The following INTS6 variants were observed in gnomAD, a reference collection of about 807,000 sequenced individuals.
The protein encoded by INTS6 is integrator complex subunit 6.
Under a neutral mutation model 104.9 loss-of-function variants are expected in INTS6, and 16 were observed. The observed-to-expected ratio is 0.15, with a 90% CI of 0.10 to 0.23. The LOEUF is 0.23. Among genes scored for constraint, INTS6 ranks in the 10% least tolerant of loss-of-function variants. The pLI, the probability that INTS6 is intolerant of heterozygous loss-of-function variation, is 1.00. For missense variants in INTS6, 584 were observed against 1,062.8 expected (o/e 0.55, Z 6.26); for synonymous variants, 324 against 358.7 (o/e 0.90, Z 1.09).
chr13:51,378,648 A>G (rs1166998542), intron 11 of INTS6, among the ~76,000 whole-genome samples, 194 bp from the exon 12 acceptor site: 1 of 152,066 alleles, frequency 6.6e-6, no homozygotes, highest in Non-Finnish European at 1.5e-5. Flanking sequence ...ATGATTTTAA[A>G]TCATTACAAC....
intron 15 of INTS6, among the ~76,000 whole-genome samples, chr13:51,370,408 A>G (rs1955780758): frequency 1.3e-5 from 2 of 152,130 alleles, no homozygotes; most frequent in African/African-American, 4.8e-5. Context: ...GCCAATCTCC[A>G]GGGTACAAGC....
chr13:51,413,577 T>C (rs1350058973), intron 4 of INTS6, among the ~76,000 whole-genome samples: 2 of 152,198 alleles, frequency 1.3e-5, no homozygotes, highest in Non-Finnish European at 2.9e-5. Flanking sequence ...GAATCAAACT[T>C]TGGTTTTTAT....
At position 51,365,845 on chromosome 13, in the gene INTS6, C is replaced by T. The variant is rs761843484; in HGVS notation, c.2571G>A (p.Arg857=). 2.5e-6 allele frequency: 4 copies of T among 1,575,168 alleles called. No individual in the cohort carries two copies. Among genetic ancestry groups the T allele is most frequent in the Non-Finnish European group, 3.5e-6 (4 of 1,154,404 alleles). ...GTTCTATTAGCATTCGTTTTTTAAA[C>T]CTGTATGAAAAAATAAATAGTACTC... ...FLQNVIKEAS[R]FKKRMLIEQL... Residue 857 remains arginine (R), a splice_region_variant and synonymous_variant, in exon 18 of 18, where the codon AGG becomes AGA. Coordinates refer to ENST00000311234, the MANE Select transcript of INTS6 (RefSeq NM_012141.3).
In INTS6 at chr13:51,452,604, C is replaced by T; in HGVS notation, c.-79G>A. 1.3e-6 allele frequency: 2 copies of T among 1,556,406 alleles called. No individual in the cohort carries two copies. Among genetic ancestry groups the T allele is most frequent in the South Asian group, 2.3e-5 (2 of 88,660 alleles). On this transcript the variant is annotated 5_prime_UTR_variant, in exon 1 of 18. Transcript: ENST00000311234. This position sits in a 1 kb window ranked among gnomAD's most constrained non-coding sequence, Gnocchi z 4.2. ...GAGGTGGAGGCGCCGGTGGCGGCGACCGCCGCTACGCGGGGCGGGGGAGCA... is the reference window on the plus strand; with the variant it reads ...GAGGTGGAGGCGCCGGTGGCGGCGATCGCCGCTACGCGGGGCGGGGGAGCA...
chr13:51,415,135 A>T (rs529994752), intron 4 of INTS6, among the ~76,000 whole-genome samples: 3 of 150,802 alleles, frequency 2.0e-5, no homozygotes, highest in East Asian at 3.9e-4. Flanking sequence ...TTTTTTTTTT[A>T]AAGGAAAGGA....
chr13:51,416,260 G>C (rs995138983), intron 4 of INTS6, among the ~76,000 whole-genome samples: 4 of 152,294 alleles, frequency 2.6e-5, no homozygotes, highest in Admixed American at 2.0e-4. Context: ...AAAGATACAA[G>C]TTCTTCTATT....
At position 51,375,386 on chromosome 13, in the gene INTS6, G is replaced by A. The variant is rs543999907; in HGVS notation, c.1730-590C>T. ...AAAAAAAAGTATGTGTGATCTTACC[G>A]TGAAAGATGTATCTCTTCTCTTCTG... On this transcript the variant is annotated intron_variant, in intron 13 of 17. Coordinates refer to ENST00000311234, the MANE Select transcript of INTS6 (RefSeq NM_012141.3). Among the ~76,000 whole-genome samples the A allele has an allele frequency of 4.0e-5, 6 of 149,050 alleles. No homozygotes were observed. The South Asian group carries it at 6.3e-4, about 16-fold the overall frequency.
chr13:51,377,029 A>T (rs920734506), intron 12 of INTS6, among the ~76,000 whole-genome samples: 4 of 152,182 alleles, frequency 2.6e-5, no homozygotes. Context: ...GGGTTGCTCC[A>T]CATTCTCATC....
intron 4 of INTS6, 48 bp from the exon 5 acceptor site, chr13:51,395,531 T>C: frequency 6.6e-7 from 1 of 1,524,532 alleles, no homozygotes; most frequent in South Asian, 1.3e-5. Flanking sequence ...CAGACTATTT[T>C]TTCAAAAAGC....
At chr13:51,399,714 G>C (rs1314383616) in intron 4 of INTS6, among the ~76,000 whole-genome samples, 1 of 118,126 alleles carries the variant, frequency 8.5e-6, no homozygotes, top group Non-Finnish European at 2.1e-5. Flanking sequence ...GTGGGTGTGT[G>C]TGTGTGTGCG....
the INTS6 span, chr13:51,344,609 C>T: frequency 2.7e-6 from 2 of 734,970 alleles, no homozygotes; most frequent in African/African-American, 1.8e-5. Context: ...AGTCTGTCCT[C>T]TTAGGAGATC....
chr13:51,410,354 T>G (rs556128494), intron 4 of INTS6, among the ~76,000 whole-genome samples: 2 of 152,290 alleles, frequency 1.3e-5, no homozygotes, highest in South Asian at 4.1e-4. Context: ...GTTGACACCA[T>G]GTTGTATTGC....
chr13:51,389,520 G>C, intron 5 of INTS6, 76 bp from the exon 6 acceptor site: 1 of 1,346,822 alleles, frequency 7.4e-7, no homozygotes, highest in Non-Finnish European at 9.8e-7. Context: ...CCTATCATTA[G>C]CAAGAAAAAA....
chr13:51,392,520 T>C (rs186048002), intron 5 of INTS6, among the ~76,000 whole-genome samples: 8 of 152,352 alleles, frequency 5.3e-5, no homozygotes, highest in African/African-American at 1.7e-4. Context: ...CATGCTAGCC[T>C]TCCTGTTGCT....
intron 3 of INTS6, chr13:51,447,794 C>T (rs1206997381): frequency 1.3e-5 from 2 of 150,002 alleles, no homozygotes; most frequent in Non-Finnish European, 3.0e-5. Context: ...TGCTGTGGCT[C>T]ACGCCTGTAA....
intron 4 of INTS6, among the ~76,000 whole-genome samples, chr13:51,419,906 ACTATAG>A (rs982188441): frequency 6.6e-5 from 10 of 152,206 alleles, no homozygotes; most frequent in African/African-American, 2.2e-4. Flanking sequence ...CGATCAGCAA[ACTATAG>A]CCCACCAACC....
chr13:51,402,876 G>C (rs1292927870), intron 4 of INTS6: 1 of 152,090 alleles, frequency 6.6e-6, no homozygotes, highest in Non-Finnish European at 1.5e-5. Flanking sequence ...ACTTATAAAA[G>C]TGCAATTTCC....
chr13:51,358,318 T>C (rs1385811642), downstream of INTS6, among the ~76,000 whole-genome samples: 3 of 152,172 alleles, frequency 2.0e-5, no homozygotes, highest in African/African-American at 4.8e-5. Flanking sequence ...GCAAATGATA[T>C]GTTTATCCTG....
intron 3 of INTS6, chr13:51,449,769 T>G: frequency 1.0e-6 from 1 of 985,312 alleles, no homozygotes; most frequent in Non-Finnish European, 1.2e-6. Flanking sequence ...AACCAAAAAG[T>G]TCATTGCAAA....
Sources: gnomAD v4.1 joint callset for allele counts (sites outside exome capture counted in the v4.1 genomes callset) on GRCh38, gnomAD v4.1.1 for gene constraint, Gnocchi (gnomAD v3.1) non-coding constraint, MANE v1.5 for transcripts, NCBI Gene and HGNC (gene_info 2026-07-23, HGNC 2026-07-21) for gene names.